Variants in LCN15 observed in about 807,000 individuals in gnomAD.
LCN15 encodes lipocalin-15.
In LCN15, 26 loss-of-function variants were observed where a neutral mutation model predicts 23.1. The ratio of observed to expected loss-of-function variants is 1.13; its 90% CI spans 0.82 to 1.56. The LOEUF (loss-of-function observed/expected upper bound fraction) is 1.56, where lower values mean the gene tolerates loss of function less well. Ranked by LOEUF, LCN15 falls within the 40% of genes most tolerant of loss-of-function variation. The probability of loss-of-function intolerance (pLI) is 0.00; values close to 1 mark genes in which losing one functional copy is unlikely to be tolerated. For synonymous variants in LCN15, 107 were observed against 98.3 expected, an observed-to-expected ratio of 1.09 and a Z score of -0.52; for missense variants, 241 against 239.5, an observed-to-expected ratio of 1.01 and a Z score of -0.04.
rs146446269 is a variant in LCN15, at chr9:136,764,455, G to A, written c.34C>T (p.Leu12=). 72 of 1,612,834 alleles carry A rather than the reference G, an allele frequency of 4.5e-5. No homozygotes were observed. The highest frequency in any genetic ancestry group is 3.5e-4 in the South Asian group (32 of 91,060). ...MSFLLGAILT[L]LWAPTAQAEV... ...GCCTGAGCCGTGGGCGCCCAGAGCA[G>A]GGTCAGGATTGCGCCGAGCAGGAAT... is the stretch of plus-strand genomic sequence containing the variant. Residue 12 remains leucine, a synonymous_variant, in exon 1 of 7, where the codon CTG becomes TTG. Coordinates refer to ENST00000316144, the MANE Select transcript of LCN15 (RefSeq NM_203347.2).
rs1040864739 is a variant in LCN15 at position 136,761,096 on chromosome 9, A to T, written c.*32+691T>A. Among the ~76,000 whole-genome samples, 3 of 151,960 alleles carry T rather than the reference A, an allele frequency of 2.0e-5. No individual in the cohort carries two copies. Among genetic ancestry groups the T allele is most frequent in the Admixed American group, 6.6e-5 (1 of 15,262 alleles). ...GAGGACGGAGGCGGAGACAGGGCTG[A>T]TGCTTCCACAGGCCAAGAAATGCCC... On this transcript the variant is annotated intron_variant, in intron 6 of 6. Transcript: ENST00000316144. The surrounding 1 kb of genome is among the most constrained non-coding windows in gnomAD (Gnocchi z 4.2).
Position 136,763,348 on chromosome 9 carries a change from G to C in LCN15, c.418+9C>G. On this transcript the variant is annotated intron_variant, in intron 4 of 6. Transcript: ENST00000316144. ...GGGGCCAGTGCGGGGAGGTGGGACA[G>C]GCACTCACTGTAGAGCTGCACCATG... 6.8e-7 allele frequency: 1 copy of C among 1,474,374 alleles called. No homozygotes were observed. Among genetic ancestry groups the C allele is most frequent in the Admixed American group, 2.0e-5 (1 of 50,678 alleles). 91.3% of individuals were successfully genotyped at this position (1,474,374 alleles called of 1,614,324 possible). A position where few individuals can be genotyped will look rare whatever the true frequency, so the allele number is the denominator to read the frequency against.
intron 3 of LCN15, 41 bp downstream of exon 3, chr9:136,763,672 C>A (rs772009288): frequency 1.9e-6 from 3 of 1,600,238 alleles, no homozygotes; most frequent in Non-Finnish European, 2.6e-6. Context: ...CCCAGAGAAG[C>A]GGCATCCAGC....
rs118104999 is a variant in LCN15 at position 136,759,670 on chromosome 9, C to T, written c.*146G>A. ...CATCTGTTTATTGAATAGAAAGAGACGTCCCACAAGGCATCCCACAGGCGG... is the reference window on the plus strand; with the variant it reads ...CATCTGTTTATTGAATAGAAAGAGATGTCCCACAAGGCATCCCACAGGCGG... On this transcript the variant is annotated 3_prime_UTR_variant, in exon 7 of 7. Coordinates refer to ENST00000316144, the MANE Select transcript of LCN15 (RefSeq NM_203347.2). 2,659 of 152,348 alleles carry T rather than the reference C, an allele frequency of 0.017. 30 individuals are homozygous for T. The highest frequency in any genetic ancestry group is 0.029 in the Non-Finnish European group (1,967 of 68,088). The allele number at this position is 152,348 out of a possible 1,614,324, so 9.4% of individuals were successfully genotyped here.
chr9:136,763,300 CGGGGCCTGTGGGAAGTTGGGGA>C, intron 4 of LCN15, 35 bp downstream of exon 4: 1 of 773,798 alleles, frequency 1.3e-6, no homozygotes, highest in East Asian at 3.2e-5. Context: ...GAACGGGGGG[CGGGGCCTGTGGGAAGTTGGGGA>C]GGGGCCAGTG....
chr9:136,762,066 CT>C lies in LCN15; in HGVS notation c.520+121del, dbSNP rs1847323887. 6.5e-6 allele frequency: 5 copies of C among 773,412 alleles called. No homozygotes were observed. In the Admixed American group the frequency reaches 1.5e-4, roughly 24 times the overall value. The allele number at this position is 773,412 out of a possible 1,614,324, so 47.9% of individuals were successfully genotyped here. A position where few individuals can be genotyped will look rare whatever the true frequency, so the allele number is the denominator to read the frequency against. On this transcript the variant is annotated intron_variant, in intron 5 of 6. Transcript: ENST00000316144. ...GGCTGCAGGGGCTGCCAGCCCACCCCTGGAAGAGAAGACCACCTGCTGCCCG... is the reference window on the plus strand; with the variant it reads ...GGCTGCAGGGGCTGCCAGCCCACCCCGGAAGAGAAGACCACCTGCTGCCCG...
In LCN15 at chr9:136,762,170, C is replaced by A; in HGVS notation, c.520+18G>T. 1 of 1,346,786 alleles carries A rather than the reference C, an allele frequency of 7.4e-7. No homozygotes were observed. Among genetic ancestry groups the A allele is most frequent in the Non-Finnish European group, 1.0e-6 (1 of 999,196 alleles). 83.4% of individuals were successfully genotyped at this position (1,346,786 alleles called of 1,614,324 possible). A position where few individuals can be genotyped will look rare whatever the true frequency, so the allele number is the denominator to read the frequency against. On this transcript the variant is annotated intron_variant, in intron 5 of 6. Transcript: ENST00000316144. ...GAGAGGCTGGGGGGCATGGGGTGGGCGGGGCTTGCCAGGGTACCTGACTGG... is the reference window on the plus strand; with the variant it reads ...GAGAGGCTGGGGGGCATGGGGTGGGAGGGGCTTGCCAGGGTACCTGACTGG...
At position 136,763,910 on chromosome 9, in the gene LCN15, T is replaced by C. The variant is rs1277098351; in HGVS notation, c.196A>G (p.Thr66Ala). Residue 66 changes from threonine to alanine, a missense_variant, in exon 2 of 7, where the codon ACA becomes GCA. Physicochemically the swap from Thr to Ala is moderately conservative, Grantham distance 58. Coordinates refer to ENST00000316144, the MANE Select transcript of LCN15 (RefSeq NM_203347.2). ...TGGACGTGGAGGCCGCCCTCCTCTG[T>C]GGGCCTGATGGCCCTGGTGGACATG... is the stretch of plus-strand genomic sequence containing the variant. Reference protein sequence around the residue: ...LSMSTRAIRPTEEGGLHVHME... With the variant: ...LSMSTRAIRPAEEGGLHVHME... The C allele has an allele frequency of 1.2e-6, 2 of 1,613,688 alleles. No individual in the cohort carries two copies. The highest frequency in any genetic ancestry group is 1.7e-6 in the Non-Finnish European group (2 of 1,179,984).
chr9:136,760,169 C>T (rs1330230546), intron 6 of LCN15, among the ~76,000 whole-genome samples: 2 of 152,240 alleles, frequency 1.3e-5, no homozygotes, highest in Non-Finnish European at 2.9e-5. Context: ...CACGGTCACG[C>T]GTGGTGGCCC....
At chr9:136,763,598 G>A (rs967508635) in intron 3 of LCN15, 115 bp downstream of exon 3, 3 of 1,246,936 alleles carry the variant, frequency 2.4e-6, no homozygotes, top group Non-Finnish European at 3.4e-6. Context: ...GGGGAGGGCG[G>A]GCAGGGGGCT....
chr9:136,763,316 T>C (rs758848297), intron 4 of LCN15, 41 bp downstream of exon 4: 3 of 1,124,644 alleles, frequency 2.7e-6, no homozygotes, highest in East Asian at 2.7e-5. Context: ...CTGTGGGAAG[T>C]TGGGGAGGGG....
Position 136,761,504 on chromosome 9 carries a change from G to A in LCN15, c.*32+283C>T, listed in dbSNP as rs895440182. ...TCGAACTCCCAACCTCAGGTGACCC[G>A]CCTGCCTCGGCCTCCCAAAGTGCTG... is the stretch of plus-strand genomic sequence containing the variant. On this transcript the variant is annotated intron_variant, in intron 6 of 6. Coordinates refer to ENST00000316144, the MANE Select transcript of LCN15 (RefSeq NM_203347.2). This position sits in a 1 kb window ranked among gnomAD's most constrained non-coding sequence, Gnocchi z 4.2. 2.0e-5 allele frequency among the ~76,000 whole-genome samples: 3 copies of A among 152,134 alleles called. No homozygotes were observed. Among genetic ancestry groups the A allele is most frequent in the Non-Finnish European group, 4.4e-5 (3 of 68,028 alleles).
Position 136,763,856 on chromosome 9 carries a change from C to G in LCN15, c.236+14G>C. 1 of 1,613,394 alleles carries G rather than the reference C, an allele frequency of 6.2e-7. No homozygotes were observed. The highest frequency in any genetic ancestry group is 8.5e-7 in the Non-Finnish European group (1 of 1,179,812). On this transcript the variant is annotated intron_variant, in intron 2 of 6. Transcript: ENST00000316144. ...CCCCAGCCCAGCCCAGGCAGCCCAG[C>G]CCAAGTAACTCACCCCGGGAACTCC...
Position 136,763,883 on chromosome 9 carries a change from T to A in LCN15, c.223A>T (p.Met75Leu). ...CAAGTAACTCACCCCGGGAACTCCA[T>A]GTGGACGTGGAGGCCGCCCTCCTCT... ...PTEEGGLHVH[M>L]EFPGADGCNQ... Residue 75 changes from methionine (M) to leucine (L), a missense_variant, in exon 2 of 7, where the codon ATG becomes TTG. Met to Leu is a conservative substitution (Grantham distance 15, BLOSUM62 2). Coordinates refer to ENST00000316144, the MANE Select transcript of LCN15 (RefSeq NM_203347.2). The A allele has an allele frequency of 6.2e-7, 1 of 1,613,566 alleles. No individual in the cohort carries two copies. The highest frequency in any genetic ancestry group is 1.1e-5 in the South Asian group (1 of 91,078).
At chr9:136,763,183 A>T (rs1847339100) in intron 4 of LCN15, among the ~76,000 whole-genome samples, 174 bp downstream of exon 4, 1 of 144,182 alleles carries the variant, frequency 6.9e-6, no homozygotes, top group Non-Finnish European at 1.5e-5. Flanking sequence ...GGGCCCGGGG[A>T]TGAGGAGGCG....
rs1482529568 is a variant in LCN15, at chr9:136,763,392, A to T, written c.383T>A (p.Leu128Gln). Residue 128 changes from leucine (L) to glutamine (Q), a missense_variant, in exon 4 of 7, where the codon CTG becomes CAG. Transcript: ENST00000316144. ...SFAVLYIYKELEGALSTMVQL... is the reference protein window; with the variant it reads ...SFAVLYIYKEQEGALSTMVQL... ...CACCATGGTGCTGAGGGCCCCCTCCAGCTCCTTGTAGATGTAAAGGACGGC... is the reference window on the plus strand; with the variant it reads ...CACCATGGTGCTGAGGGCCCCCTCCTGCTCCTTGTAGATGTAAAGGACGGC... 1 of 1,606,150 alleles carries T rather than the reference A, an allele frequency of 6.2e-7. No homozygotes were observed. The highest frequency in any genetic ancestry group is 1.7e-5 in the Admixed American group (1 of 59,430).
At chr9:136,762,922 T>A (rs1444333281) in intron 4 of LCN15, among the ~76,000 whole-genome samples, 12 of 104,866 alleles carry the variant, frequency 1.1e-4, no homozygotes, top group African/African-American at 3.1e-4. Context: ...GACTCCATAT[T>A]AAAAAAAAAA....
In LCN15 at chr9:136,764,474, C is replaced by T. The variant is rs751604126; in HGVS notation, c.15G>A (p.Leu5=). The change falls in exon 1 of 7, where the codon CTG becomes CTA. Residue 5 remains leucine, a synonymous_variant. Transcript: ENST00000316144. ...AGAGCAGGGTCAGGATTGCGCCGAG[C>T]AGGAATGACATCATCCCCTCCCCTG... MMSF[L]LGAILTLLWA... is the part of the protein sequence containing the mutation. 6.2e-6 allele frequency: 10 copies of T among 1,612,610 alleles called. No individual in the cohort carries two copies. In the Admixed American group the frequency reaches 6.7e-5, roughly 11 times the overall value.
Position 136,761,874 on chromosome 9 carries a change from G to A in LCN15, c.521-21C>T, listed in dbSNP as rs371000423. ...TGCATCTGTGGGGAGGAAGACATCC[G>A]TGAGATGCTGACGGCCAGGACCGCC... is the stretch of plus-strand genomic sequence containing the variant. On this transcript the variant is annotated intron_variant, in intron 5 of 6. Transcript: ENST00000316144. This position sits in a 1 kb window ranked among gnomAD's most constrained non-coding sequence, Gnocchi z 4.2. The A allele has an allele frequency of 4.4e-5, 59 of 1,335,780 alleles. No individual in the cohort carries two copies. The highest frequency in any genetic ancestry group is 2.1e-4 in the Middle Eastern group (1 of 4,728). The allele number at this position is 1,335,780 out of a possible 1,614,324, so 82.7% of individuals were successfully genotyped here. A position where few individuals can be genotyped will look rare whatever the true frequency, so the allele number is the denominator to read the frequency against.
Sources: allele counts gnomAD v4.1 joint callset (sites outside exome capture counted in the v4.1 genomes callset), GRCh38; gene constraint gnomAD v4.1.1; non-coding constraint Gnocchi (gnomAD v3.1); transcripts MANE v1.5; gene names NCBI Gene and HGNC (gene_info 2026-07-23, HGNC 2026-07-21).